GUCA1C: variants seen among roughly 807,000 people sequenced by gnomAD.
GUCA1C encodes guanylate cyclase activator 1C, also known as guanylyl cyclase-activating protein 3.
GUCA1C carries 15 observed loss-of-function variants against 16.2 expected under a neutral mutation model. That is an observed-to-expected ratio of 0.93 (90% confidence interval 0.62 to 1.43). The LOEUF (loss-of-function observed/expected upper bound fraction) is 1.43, where lower values mean the gene tolerates loss of function less well. Ranked by LOEUF, GUCA1C falls within the 40% of genes most tolerant of loss-of-function variation. The probability of loss-of-function intolerance (pLI) is 0.00; values close to 1 mark genes in which losing one functional copy is unlikely to be tolerated. For synonymous variants in GUCA1C, 78 were observed against 85.4 expected, an observed-to-expected ratio of 0.91 and a Z score of 0.48; for missense variants, 275 against 244.8, an observed-to-expected ratio of 1.12 and a Z score of -0.82.
chr3:108,941,745 A>T (rs1016182038), intron 1 of GUCA1C, among the ~76,000 whole-genome samples: 3 of 152,194 alleles, frequency 2.0e-5, no homozygotes, highest in Non-Finnish European at 4.4e-5. Flanking sequence ...TACAGCAACA[A>T]GAAGTTGGAC....
intron 3 of GUCA1C, among the ~76,000 whole-genome samples, chr3:108,913,892 C>A (rs1946482089): frequency 6.6e-6 from 1 of 151,786 alleles, no homozygotes; most frequent in Non-Finnish European, 1.5e-5. Context: ...ATGGTGAAAC[C>A]CCGTCTCTAC....
chr3:108,943,284 T>C (rs529581028), intron 1 of GUCA1C, among the ~76,000 whole-genome samples: 8 of 151,964 alleles, frequency 5.3e-5, no homozygotes, highest in Non-Finnish European at 7.4e-5. Context: ...TGACAGATAA[T>C]AGAAACACCA....
chr3:108,914,377 G>A (rs1326551273), intron 3 of GUCA1C, among the ~76,000 whole-genome samples: 4 of 152,132 alleles, frequency 2.6e-5, no homozygotes, highest in Non-Finnish European at 5.9e-5. Context: ...TAAACAAAAA[G>A]TCCTGAATCA....
intron 1 of GUCA1C, among the ~76,000 whole-genome samples, chr3:108,927,794 T>C (rs1386713650): frequency 6.6e-6 from 1 of 152,188 alleles, no homozygotes; most frequent in Non-Finnish European, 1.5e-5. Flanking sequence ...GAGTCTTCTT[T>C]TGTCATACTA....
intron 1 of GUCA1C, among the ~76,000 whole-genome samples, chr3:108,933,347 C>T (rs781552608): frequency 6.0e-5 from 9 of 150,986 alleles, no homozygotes; most frequent in Admixed American, 2.7e-4. Flanking sequence ...ATTTTAACCC[C>T]AACATGTTTA....
chr3:108,949,196 T>C (rs1271364288), intron 1 of GUCA1C, among the ~76,000 whole-genome samples: 1 of 152,202 alleles, frequency 6.6e-6, no homozygotes, highest in African/African-American at 2.4e-5. Context: ...TGGCCCCTTT[T>C]TCTGTGAGTC....
At chr3:108,932,323 CAAA>C (rs71106610) in intron 1 of GUCA1C, among the ~76,000 whole-genome samples, 5 of 102,054 alleles carry the variant, frequency 4.9e-5, no homozygotes, top group Non-Finnish European at 7.6e-5. Flanking sequence ...GACCTCCCAC[CAAA>C]AAAAAAAAAA....
At chr3:108,929,625 CT>C (rs1946649656) in intron 1 of GUCA1C, among the ~76,000 whole-genome samples, 1 of 152,030 alleles carries the variant, frequency 6.6e-6, no homozygotes, top group Non-Finnish European at 1.5e-5. Context: ...GATTAACTAC[CT>C]TTTTAGAGAA....
chr3:108,910,667 T>G (rs1272453467), intron 3 of GUCA1C, among the ~76,000 whole-genome samples: 1 of 152,000 alleles, frequency 6.6e-6, no homozygotes, highest in East Asian at 1.9e-4. Context: ...TTCTTTTTTT[T>G]GAGACGGAGT....
At chr3:108,910,762 GTC>G (rs1946444487) in intron 3 of GUCA1C, among the ~76,000 whole-genome samples, 1 of 151,394 alleles carries the variant, frequency 6.6e-6, no homozygotes, top group Admixed American at 6.6e-5. Flanking sequence ...TCATTCTCCT[GTC>G]TCAGCCTCCC....
chr3:108,942,402 C>T (rs1195729008), intron 1 of GUCA1C, among the ~76,000 whole-genome samples: 2 of 152,212 alleles, frequency 1.3e-5, no homozygotes, highest in Non-Finnish European at 2.9e-5. Flanking sequence ...TTGGATCACA[C>T]AGTCAGTCCT....
At chr3:108,932,128 G>C (rs1431789398) in intron 1 of GUCA1C, among the ~76,000 whole-genome samples, 3 of 151,568 alleles carry the variant, frequency 2.0e-5, no homozygotes, top group East Asian at 1.9e-4. Context: ...GGGATTGCAG[G>C]CTTGAGCCAC....
chr3:108,907,989 G>A lies in GUCA1C; in HGVS notation c.*33C>T, dbSNP rs1576540928. ...TATTTCTTCTCTACTGAAATGTTGT[G>A]CTCATTGATAGCTGGGACAGGTATT... On this transcript the variant is annotated 3_prime_UTR_variant, in exon 4 of 4. Transcript: ENST00000261047. The A allele has an allele frequency of 4.0e-6, 6 of 1,483,070 alleles. No individual in the cohort carries two copies. Among genetic ancestry groups the A allele is most frequent in the Non-Finnish European group, 5.6e-6 (6 of 1,070,362 alleles). 91.9% of individuals were successfully genotyped at this position (1,483,070 alleles called of 1,614,324 possible).
At chr3:108,910,429 C>T (rs1946438568) in intron 3 of GUCA1C, among the ~76,000 whole-genome samples, 1 of 149,838 alleles carries the variant, frequency 6.7e-6, no homozygotes. Context: ...ACCCGGGAGG[C>T]GGAGGTTGCA....
intron 1 of GUCA1C, among the ~76,000 whole-genome samples, chr3:108,947,859 G>A (rs1190410223): frequency 6.6e-6 from 1 of 152,094 alleles, no homozygotes; most frequent in African/African-American, 2.4e-5. Flanking sequence ...ACTTTGCCTT[G>A]TTACTTTCAG....
chr3:108,915,058 A>T (rs1416892009), intron 3 of GUCA1C, among the ~76,000 whole-genome samples: 1 of 152,216 alleles, frequency 6.6e-6, no homozygotes, highest in Non-Finnish European at 1.5e-5. Flanking sequence ...TTCTTTCTTG[A>T]GCAGTATACT....
intron 3 of GUCA1C, 147 bp from the exon 4 acceptor site, chr3:108,908,356 C>CAAAA (rs540540488): frequency 6.3e-6 from 2 of 318,540 alleles, no homozygotes; most frequent in East Asian, 4.5e-5. Flanking sequence ...TTCATTTAAA[C>CAAAA]AAAAAAAAAA....
At chr3:108,924,129 G>A (rs975487665) in intron 1 of GUCA1C, among the ~76,000 whole-genome samples, 2 of 152,054 alleles carry the variant, frequency 1.3e-5, no homozygotes, top group African/African-American at 4.8e-5. Flanking sequence ...TACTGATTTG[G>A]ATTCCCTTTA....
chr3:108,930,193 C>A (rs1180913132), intron 1 of GUCA1C, among the ~76,000 whole-genome samples: 2 of 152,156 alleles, frequency 1.3e-5, no homozygotes, highest in Non-Finnish European at 2.9e-5. Flanking sequence ...ATATCCAGCA[C>A]AAGAAAACAT....
Sources: gnomAD v4.1 joint callset for allele counts (sites outside exome capture counted in the v4.1 genomes callset) on GRCh38, gnomAD v4.1.1 for gene constraint, MANE v1.5 for transcripts, NCBI Gene and HGNC (gene_info 2026-07-23, HGNC 2026-07-21) for gene names.